The following CNTN1 variants were observed in gnomAD, a reference collection of about 807,000 sequenced individuals.
CNTN1 encodes the protein contactin 1.
In CNTN1, 38 loss-of-function variants were observed where a neutral mutation model predicts 126.4. That is an observed-to-expected ratio of 0.30 (90% CI 0.23 to 0.39). The LOEUF (loss-of-function observed/expected upper bound fraction) is 0.39, where lower values mean the gene tolerates loss of function less well. Among genes scored for constraint, CNTN1 ranks in the 10% least tolerant of loss-of-function variants. CNTN1 has a pLI of 1.00. For missense variants in CNTN1, 1,009 were observed against 1,248.4 expected (o/e 0.81, Z 2.89); for synonymous variants, 413 against 422.6 (o/e 0.98, Z 0.28).
At chr12:41,005,056 G>A (rs762418118) in intron 17 of CNTN1, 1 of 152,048 alleles carries the variant, frequency 6.6e-6, no homozygotes, top group Non-Finnish European at 1.5e-5. Context: ...GTGTTTTTGT[G>A]GTGTCTGGTG....
intron 1 of CNTN1, among the ~76,000 whole-genome samples, chr12:40,725,800 A>G (rs1942337918): frequency 6.6e-6 from 1 of 152,108 alleles, no homozygotes; most frequent in Admixed American, 6.6e-5. Context: ...CACTATTGCA[A>G]TAGTCTTGAG....
intron 1 of CNTN1, chr12:40,828,029 A>T (rs918284512): frequency 3.3e-5 from 5 of 152,134 alleles, no homozygotes; most frequent in African/African-American, 1.2e-4. Context: ...AATTTGGAAG[A>T]TGTAAATCTC....
At chr12:40,903,621 A>C (rs1353098346) in intron 1 of CNTN1, among the ~76,000 whole-genome samples, 1 of 152,194 alleles carries the variant, frequency 6.6e-6, no homozygotes, top group Non-Finnish European at 1.5e-5. Context: ...ACAATAGAAC[A>C]GATCACCAGC....
intron 1 of CNTN1, among the ~76,000 whole-genome samples, chr12:40,695,551 A>G (rs1941429755): frequency 6.6e-6 from 1 of 152,138 alleles, no homozygotes; most frequent in African/African-American, 2.4e-5. Context: ...TCCAATTTCC[A>G]TCTATTTCTA....
rs571185691 is a variant in CNTN1, at chr12:40,715,328, G to A, written c.-77+22736G>A. 1.1e-4 allele frequency among the ~76,000 whole-genome samples: 17 copies of A among 152,078 alleles called. 1 individual carries two copies. Among genetic ancestry groups the A allele is most frequent in the African/African-American group, 4.1e-4 (17 of 41,508 alleles). On this transcript the variant is annotated intron_variant, in intron 1 of 23. Coordinates refer to ENST00000551295, the MANE Select transcript of CNTN1 (RefSeq NM_001843.4). ...TAGTGCCAACACTTCTCTGTTAACT[G>A]GTAACTCTTATCTCAGAAAATGATA...
At chr12:40,789,151 C>A (rs1018162476) in intron 1 of CNTN1, among the ~76,000 whole-genome samples, 2 of 152,028 alleles carry the variant, frequency 1.3e-5, no homozygotes, top group African/African-American at 4.8e-5. Context: ...ATAATAAAAT[C>A]TGCTTTTTAA....
Position 40,927,421 on chromosome 12 carries a change from G to T in CNTN1, c.497-2375G>T, listed in dbSNP as rs530175010. On this transcript the variant is annotated intron_variant, in intron 6 of 23. Coordinates refer to ENST00000551295, the MANE Select transcript of CNTN1 (RefSeq NM_001843.4). ...CAGCGTGGCTATTGCTCTGGTGTTG[G>T]TACAGCTTATTTTGGTGATGGTGGG... Among the ~76,000 whole-genome samples the T allele has an allele frequency of 2.0e-5, 3 of 152,108 alleles. No homozygotes were observed. In the East Asian group the frequency reaches 5.8e-4, roughly 29 times the overall value.
intron 15 of CNTN1, among the ~76,000 whole-genome samples, chr12:40,960,599 G>A (rs954143661): frequency 2.6e-5 from 4 of 152,040 alleles, no homozygotes; most frequent in African/African-American, 9.7e-5. Context: ...TCTAGTTGAA[G>A]TTTCTTCATC....
chr12:40,803,465 T>C (rs770354100), intron 1 of CNTN1, among the ~76,000 whole-genome samples: 9 of 152,132 alleles, frequency 5.9e-5, no homozygotes, highest in Middle Eastern at 3.4e-3. Flanking sequence ...GTTGCTCTGA[T>C]AGGGTCTCTT....
At position 41,052,994 on chromosome 12, in the gene CNTN1, A is replaced by G. The variant is rs997963095; in HGVS notation, c.2981-16965A>G. ...GAAAAATGAATTAAAAAGCACTTACATATTTAGTAAAATAAATGTGCTTAG... is the reference window on the plus strand; with the variant it reads ...GAAAAATGAATTAAAAAGCACTTACGTATTTAGTAAAATAAATGTGCTTAG... On this transcript the variant is annotated intron_variant, in intron 23 of 23. Transcript: ENST00000551295. Among the ~76,000 whole-genome samples, 4 of 152,022 alleles carry G rather than the reference A, an allele frequency of 2.6e-5. No homozygotes were observed. In the South Asian group the frequency reaches 8.3e-4, roughly 31 times the overall value.
rs1331494658 is a variant in CNTN1 at position 40,884,265 on chromosome 12, T to A, written c.-76-24092T>A. Among the ~76,000 whole-genome samples the A allele has an allele frequency of 5.9e-5, 9 of 151,708 alleles. No homozygotes were observed. The East Asian group carries it at 1.7e-3, about 29-fold the overall frequency. On this transcript the variant is annotated intron_variant, in intron 1 of 23. Transcript: ENST00000551295. ...CCTTATTTTCTGCCTTCTATTTGAT[T>A]AGTTTATGTACCATGTATTATTGAG...
chr12:40,937,763 A>T, intron 11 of CNTN1, 76 bp downstream of exon 11: 1 of 867,490 alleles, frequency 1.2e-6, no homozygotes, highest in Non-Finnish European at 2.0e-6. Flanking sequence ...TATTGAGCCT[A>T]CACAAAATAC....
rs141109852 is a variant in CNTN1, at chr12:40,859,417, A to G, written c.-76-48940A>G. On this transcript the variant is annotated intron_variant, in intron 1 of 23. Transcript: ENST00000551295. Reference sequence around the variant, plus strand: ...AGATAATAGCGGAAACTGTGTGGGCAGATGAAGGGGGTATATGGGAACCTA... The same window carrying G: ...AGATAATAGCGGAAACTGTGTGGGCGGATGAAGGGGGTATATGGGAACCTA... 1.1e-3 allele frequency among the ~76,000 whole-genome samples: 170 copies of G among 152,244 alleles called. 1 individual carries two copies. In the East Asian group the frequency reaches 0.03, roughly 27 times the overall value.
intron 1 of CNTN1, among the ~76,000 whole-genome samples, chr12:40,736,080 G>T (rs1855165991): frequency 6.6e-6 from 1 of 151,990 alleles, no homozygotes; most frequent in African/African-American, 2.4e-5. Flanking sequence ...CAATCCCCAG[G>T]GTAAGCTGAA....
intron 12 of CNTN1, among the ~76,000 whole-genome samples, chr12:40,941,595 A>G (rs1454866210): frequency 6.6e-6 from 1 of 152,128 alleles, no homozygotes; most frequent in East Asian, 1.9e-4. Flanking sequence ...TATTTTCTGC[A>G]GCAGAATTTC....
At chr12:40,938,270 A>G (rs773242471) in intron 11 of CNTN1, among the ~76,000 whole-genome samples, 1 of 152,152 alleles carries the variant, frequency 6.6e-6, no homozygotes, top group Non-Finnish European at 1.5e-5. Context: ...ATTCTGTTCT[A>G]ATAATTATTG....
At chr12:40,958,888 A>T (rs1946997397) in intron 14 of CNTN1, among the ~76,000 whole-genome samples, 2 of 152,068 alleles carry the variant, frequency 1.3e-5, no homozygotes, top group Admixed American at 1.3e-4. Flanking sequence ...AAATAATAGA[A>T]TGTTAAAGAT....
chr12:41,007,043 T>TG (rs1266179259), intron 17 of CNTN1, among the ~76,000 whole-genome samples: 2 of 129,652 alleles, frequency 1.5e-5, no homozygotes, highest in South Asian at 4.9e-4. Context: ...CAGTTTTGTG[T>TG]GGTTTTTTTT....
Position 40,795,274 on chromosome 12 carries a change from TACACAC to T in CNTN1, c.-77+102722_-77+102727del, listed in dbSNP as rs71078269. Among the ~76,000 whole-genome samples the T allele has an allele frequency of 3.5e-3, 440 of 124,156 alleles. 3 individuals carry two copies. The highest frequency in any genetic ancestry group is 0.012 in the African/African-American group (382 of 32,616). 81.5% of individuals were successfully genotyped at this position (124,156 alleles called of 152,430 possible). A position where few individuals can be genotyped will look rare whatever the true frequency, so the allele number is the denominator to read the frequency against. On this transcript the variant is annotated intron_variant, in intron 1 of 23. Coordinates refer to ENST00000551295, the MANE Select transcript of CNTN1 (RefSeq NM_001843.4). ...ATCTCTGTAAACATGTCTACATGTA[TACACAC>T]ACACACACACACACACACACACACA...
Sources: gnomAD v4.1 joint callset for allele counts (sites outside exome capture counted in the v4.1 genomes callset) on GRCh38, gnomAD v4.1.1 for gene constraint, MANE v1.5 for transcripts, NCBI Gene and HGNC (gene_info 2026-07-23, HGNC 2026-07-21) for gene names.